OLFM3: variants seen among roughly 807,000 people sequenced by gnomAD.
The protein encoded by OLFM3 is noelin-3.
In OLFM3, 20 loss-of-function variants were observed where a neutral mutation model predicts 48.6. That is an observed-to-expected ratio of 0.41 (90% CI 0.29 to 0.60). The LOEUF (loss-of-function observed/expected upper bound fraction) is 0.60. OLFM3 is among the 20% of genes least tolerant of loss of function. The pLI, the probability that OLFM3 is intolerant of heterozygous loss-of-function variation, is 0.28. For missense variants in OLFM3, 437 were observed against 544.3 expected, an observed-to-expected ratio of 0.80 and a Z score of 1.96; for synonymous variants, 222 against 198.1, an observed-to-expected ratio of 1.12 and a Z score of -1.01.
intron 4 of OLFM3, among the ~76,000 whole-genome samples, chr1:101,823,705 G>A (rs1255055491): frequency 6.6e-6 from 1 of 151,956 alleles, no homozygotes; most frequent in Non-Finnish European, 1.5e-5. Flanking sequence ...GAGTTAGAGA[G>A]GAATGAAAAC....
chr1:101,984,079 G>A (rs1661169960), intron 1 of OLFM3, among the ~76,000 whole-genome samples: 1 of 151,822 alleles, frequency 6.6e-6, no homozygotes, highest in Non-Finnish European at 1.5e-5. Flanking sequence ...CAAAACCGCA[G>A]CTCTACAAAA....
chr1:101,840,604 G>A (rs896933958), intron 1 of OLFM3, among the ~76,000 whole-genome samples: 4 of 151,938 alleles, frequency 2.6e-5, no homozygotes, highest in Non-Finnish European at 4.4e-5. Context: ...CTGAGTAGCT[G>A]AGACTGTAGG....
intron 1 of OLFM3, among the ~76,000 whole-genome samples, chr1:101,912,413 C>T (rs1232820681): frequency 6.6e-6 from 1 of 152,166 alleles, no homozygotes; most frequent in Non-Finnish European, 1.5e-5. Flanking sequence ...AGCAATAACT[C>T]CATTTGCCAT....
chr1:101,878,411 A>G (rs1293131634), intron 1 of OLFM3, among the ~76,000 whole-genome samples: 1 of 151,914 alleles, frequency 6.6e-6, no homozygotes, highest in Non-Finnish European at 1.5e-5. Context: ...ACACATAGGC[A>G]TTCATATATG....
At chr1:101,871,485 A>G (rs1185161621) in intron 1 of OLFM3, among the ~76,000 whole-genome samples, 2 of 152,118 alleles carry the variant, frequency 1.3e-5, no homozygotes, top group African/African-American at 2.4e-5. Context: ...TTTAGCTGAC[A>G]TCTTCCACAG....
chr1:101,970,184 T>G (rs1382265747), intron 1 of OLFM3, among the ~76,000 whole-genome samples: 3 of 151,988 alleles, frequency 2.0e-5, no homozygotes, highest in African/African-American at 7.3e-5. Context: ...CCCCGCTAAT[T>G]TTTTGTATTT....
chr1:101,954,326 A>G (rs1383806383), intron 1 of OLFM3, among the ~76,000 whole-genome samples: 1 of 152,082 alleles, frequency 6.6e-6, no homozygotes, highest in Non-Finnish European at 1.5e-5. Flanking sequence ...TACATGTAGG[A>G]ATGTATAATT....
chr1:101,808,001 T>C (rs184553188), intron 4 of OLFM3, among the ~76,000 whole-genome samples: 1 of 151,930 alleles, frequency 6.6e-6, no homozygotes, highest in Admixed American at 6.6e-5. Flanking sequence ...GCAGAATAAG[T>C]AGAAGTAGTA....
chr1:101,979,463 G>A (rs1010384861), intron 1 of OLFM3, among the ~76,000 whole-genome samples: 1 of 152,198 alleles, frequency 6.6e-6, no homozygotes, highest in East Asian at 1.9e-4. Flanking sequence ...GAGTTCTCAT[G>A]AGATCTGATG....
At chr1:101,963,515 A>G (rs1274565855) in intron 1 of OLFM3, among the ~76,000 whole-genome samples, 1 of 117,858 alleles carries the variant, frequency 8.5e-6, no homozygotes, top group African/African-American at 3.3e-5. Flanking sequence ...GAGGAGGCTG[A>G]GACTTACAGA....
At chr1:101,894,973 T>A (rs773411650) in intron 1 of OLFM3, among the ~76,000 whole-genome samples, 2 of 152,152 alleles carry the variant, frequency 1.3e-5, no homozygotes, top group Non-Finnish European at 2.9e-5. Flanking sequence ...GGGGACATGA[T>A]CCCAGTAATG....
At chr1:101,871,103 A>G (rs1271027661) in intron 1 of OLFM3, among the ~76,000 whole-genome samples, 2 of 152,090 alleles carry the variant, frequency 1.3e-5, no homozygotes, top group African/African-American at 4.8e-5. Context: ...TTTTATATTT[A>G]TCACCCTTAC....
Position 101,986,221 on chromosome 1 carries a change from C to T in OLFM3, c.69+10527G>A, listed in dbSNP as rs151167670. 9.0e-3 allele frequency among the ~76,000 whole-genome samples: 1,374 copies of T among 152,234 alleles called. 39 individuals are homozygous for T. The highest frequency in any genetic ancestry group is 0.062 in the Admixed American group (946 of 15,286). Reference sequence around the variant, plus strand: ...CCTCGTGATCCGCCCGCCTCGGCCTCCCAAAGTGCTGGGATTACAGGAGTG... The same window carrying T: ...CCTCGTGATCCGCCCGCCTCGGCCTTCCAAAGTGCTGGGATTACAGGAGTG... On this transcript the variant is annotated intron_variant, in intron 1 of 5. Transcript: ENST00000370103.
intron 1 of OLFM3, among the ~76,000 whole-genome samples, chr1:101,978,689 T>C (rs1201984232): frequency 6.6e-6 from 1 of 152,212 alleles, no homozygotes; most frequent in East Asian, 1.9e-4. Context: ...CAAACATATA[T>C]ATGCTCACAC....
chr1:101,912,256 C>T (rs1658785113), intron 1 of OLFM3, among the ~76,000 whole-genome samples: 1 of 152,148 alleles, frequency 6.6e-6, no homozygotes, highest in African/African-American at 2.4e-5. Flanking sequence ...TTTGAATTCA[C>T]GTATGTGCAA....
chr1:101,894,745 C>T (rs1658135245), intron 1 of OLFM3, among the ~76,000 whole-genome samples: 1 of 152,102 alleles, frequency 6.6e-6, no homozygotes, highest in Admixed American at 6.6e-5. Context: ...AACACTAATA[C>T]AGATTGTAAT....
chr1:101,851,197 T>C (rs1162129955), intron 1 of OLFM3, among the ~76,000 whole-genome samples: 2 of 152,130 alleles, frequency 1.3e-5, no homozygotes, highest in Non-Finnish European at 2.9e-5. Flanking sequence ...CTGTGGCACC[T>C]TAAAAGCAGT....
At chr1:101,807,332 G>T (rs1653823689) in intron 4 of OLFM3, among the ~76,000 whole-genome samples, 1 of 151,630 alleles carries the variant, frequency 6.6e-6, no homozygotes, top group African/African-American at 2.4e-5. Flanking sequence ...CTTCTTTCTT[G>T]TCCATTTATA....
chr1:101,917,401 G>A (rs1289098889), intron 1 of OLFM3, among the ~76,000 whole-genome samples: 1 of 151,284 alleles, frequency 6.6e-6, no homozygotes, highest in East Asian at 2.0e-4. Context: ...AAAAATAAAA[G>A]CCATAAATAT....
Sources: gnomAD v4.1 joint callset for allele counts (sites outside exome capture counted in the v4.1 genomes callset) on GRCh38, gnomAD v4.1.1 for gene constraint, MANE v1.5 for transcripts, NCBI Gene and HGNC (gene_info 2026-07-23, HGNC 2026-07-21) for gene names.